ELOVL2: variants seen among roughly 807,000 people sequenced by gnomAD.
ELOVL2 encodes the protein ELOVL fatty acid elongase 2.
A neutral mutation model predicts 37.7 loss-of-function variants in ELOVL2; 38 were observed. The ratio of observed to expected loss-of-function variants is 1.01; its 90% CI spans 0.78 to 1.32. The LOEUF is 1.32. Among genes scored for constraint, ELOVL2 ranks in the 40% most tolerant of loss-of-function variants. The pLI is 0.00. For missense variants in ELOVL2, 352 were observed against 363.6 expected, an observed-to-expected ratio of 0.97 and a Z score of 0.26; for synonymous variants, 115 against 122.3, an observed-to-expected ratio of 0.94 and a Z score of 0.40.
intron 1 of ELOVL2, among the ~76,000 whole-genome samples, chr6:11,030,648 C>A (rs888527890): frequency 6.6e-6 from 1 of 151,918 alleles, no homozygotes; most frequent in Non-Finnish European, 1.5e-5. Context: ...CCCGCCACCA[C>A]GCCCGGCTAA....
intron 1 of ELOVL2, among the ~76,000 whole-genome samples, chr6:11,034,958 ACAC>A (rs1782985042): frequency 1.3e-5 from 2 of 151,870 alleles, no homozygotes; most frequent in South Asian, 4.2e-4. Flanking sequence ...AGCCGAAATC[ACAC>A]CACTGCACTC....
intron 2 of ELOVL2, among the ~76,000 whole-genome samples, chr6:11,009,804 C>A (rs768272628): frequency 1.4e-4 from 21 of 152,082 alleles, no homozygotes; most frequent in Non-Finnish European, 2.9e-4. Flanking sequence ...TGGGATGACA[C>A]TGATGAGTTT....
At chr6:11,027,036 T>C (rs1782847473) in intron 1 of ELOVL2, among the ~76,000 whole-genome samples, 1 of 152,218 alleles carries the variant, frequency 6.6e-6, no homozygotes, top group Admixed American at 6.5e-5. Flanking sequence ...TTTTTCGATA[T>C]ATCTCTTGAA....
intron 7 of ELOVL2, among the ~76,000 whole-genome samples, chr6:10,986,756 T>G (rs995377307): frequency 6.6e-6 from 1 of 152,160 alleles, no homozygotes; most frequent in Non-Finnish European, 1.5e-5. Context: ...TTTGCCAGTA[T>G]TTTATTGAGG....
At chr6:10,992,849 T>TA (rs1395218582) in intron 5 of ELOVL2, among the ~76,000 whole-genome samples, 4 of 150,090 alleles carry the variant, frequency 2.7e-5, no homozygotes, top group African/African-American at 9.7e-5. Flanking sequence ...CAGTACATCA[T>TA]ATAGAGCCAG....
At chr6:11,015,049 T>C (rs904992472) in intron 1 of ELOVL2, among the ~76,000 whole-genome samples, 15 of 152,246 alleles carry the variant, frequency 9.9e-5, no homozygotes, top group Non-Finnish European at 2.1e-4. Flanking sequence ...GAATGAACAA[T>C]TGATGTACAC....
At chr6:10,993,812 C>T (rs1013447104) in intron 5 of ELOVL2, among the ~76,000 whole-genome samples, 11 of 151,550 alleles carry the variant, frequency 7.3e-5, no homozygotes, top group African/African-American at 1.9e-4. Context: ...CTCAGCCTCC[C>T]GAGGAGCTGG....
At position 10,981,898 on chromosome 6, in the gene ELOVL2, C is replaced by T. The variant is rs558603555; in HGVS notation, c.*1883G>A. On this transcript the variant is annotated 3_prime_UTR_variant, in exon 8 of 8. Transcript: ENST00000354666. ...TCTCCAAAGGGCTTTCTCCTTGGTC[C>T]AACTTGTGTTTTGTCACAGAGGAGC... 6.6e-6 allele frequency: 1 copy of T among 152,238 alleles called. No individual in the cohort carries two copies. The highest frequency in any genetic ancestry group is 1.9e-4 in the East Asian group (1 of 5,186). The allele number at this position is 152,238 out of a possible 1,614,324, so 9.4% of individuals were successfully genotyped here.
rs572472634 is a variant in ELOVL2 at position 11,005,082 on chromosome 6, C to T, written c.255+290G>A. Among the ~76,000 whole-genome samples the T allele has an allele frequency of 5.9e-4, 90 of 152,166 alleles. 2 individuals are homozygous for T. Among genetic ancestry groups the T allele is most frequent in the Non-Finnish European group, 1.9e-4 (13 of 68,014 alleles). ...GCTGAGGCACGAGAATCGCTTGAAC[C>T]TGGGAGGCGGAGGCTGCAGTGAGCT... On this transcript the variant is annotated intron_variant, in intron 3 of 7. Coordinates refer to ENST00000354666, the MANE Select transcript of ELOVL2 (RefSeq NM_017770.4).
intron 1 of ELOVL2, among the ~76,000 whole-genome samples, chr6:11,043,130 T>C (rs1561731968): frequency 6.6e-6 from 1 of 152,086 alleles, no homozygotes; most frequent in Non-Finnish European, 1.5e-5. Flanking sequence ...ATCAGGCAGA[T>C]GGTACGTGCC....
At chr6:11,038,373 C>T (rs181018861) in intron 1 of ELOVL2, among the ~76,000 whole-genome samples, 353 of 152,044 alleles carry the variant, frequency 2.3e-3, no homozygotes, top group African/African-American at 7.9e-3. Flanking sequence ...CCCAGCTACT[C>T]GGGAGGCTGA....
intron 2 of ELOVL2, among the ~76,000 whole-genome samples, chr6:11,007,736 T>G (rs1306189909): frequency 2.6e-5 from 4 of 152,188 alleles, no homozygotes; most frequent in African/African-American, 9.7e-5. Flanking sequence ...TAGTACATGC[T>G]CCAGGAGACA....
At chr6:10,995,535 G>C (rs1782252142) in intron 4 of ELOVL2, among the ~76,000 whole-genome samples, 1 of 152,116 alleles carries the variant, frequency 6.6e-6, no homozygotes, top group Admixed American at 6.5e-5. Flanking sequence ...CTGTGTGCTG[G>C]AACAGTGGCC....
chr6:11,002,265 CT>C (rs1782401449), intron 3 of ELOVL2, among the ~76,000 whole-genome samples: 2 of 152,238 alleles, frequency 1.3e-5, no homozygotes, highest in Non-Finnish European at 2.9e-5. Context: ...GCCTCTCACT[CT>C]TTCTTACAGG....
intron 5 of ELOVL2, among the ~76,000 whole-genome samples, chr6:10,992,923 T>C (rs1188677843): frequency 6.6e-6 from 1 of 152,206 alleles, no homozygotes; most frequent in Non-Finnish European, 1.5e-5. Context: ...CCAGGCATAG[T>C]AGCTCACACC....
chr6:11,003,290 G>C (rs1180461755), intron 3 of ELOVL2, among the ~76,000 whole-genome samples: 1 of 152,162 alleles, frequency 6.6e-6, no homozygotes, highest in Non-Finnish European at 1.5e-5. Flanking sequence ...TTGTCCCAGT[G>C]CTCTCCCTAC....
intron 5 of ELOVL2, among the ~76,000 whole-genome samples, chr6:10,993,643 A>G (rs1782205529): frequency 6.6e-6 from 1 of 152,132 alleles, no homozygotes. Context: ...ATGTAAGAGT[A>G]TATTGCTTTG....
At position 11,044,291 on chromosome 6, in the gene ELOVL2, CG is replaced by C; in HGVS notation, c.-62del. The C allele has an allele frequency of 8.0e-7, 1 of 1,248,286 alleles. No homozygotes were observed. Among genetic ancestry groups the C allele is most frequent in the Non-Finnish European group, 1.0e-6 (1 of 994,998 alleles). The allele number at this position is 1,248,286 out of a possible 1,614,324, so 77.3% of individuals were successfully genotyped here. A position where few individuals can be genotyped will look rare whatever the true frequency, so the allele number is the denominator to read the frequency against. ...GCGGCGATGCGCTGTCCAGGGTAGC[CG>C]GGTCCCTCTGCCCGGCGCTATCTCG... On this transcript the variant is annotated 5_prime_UTR_variant, in exon 1 of 8. Transcript: ENST00000354666. This position sits in a 1 kb window ranked among gnomAD's most constrained non-coding sequence, Gnocchi z 5.6.
chr6:10,987,690 T>G (rs1040915743), intron 7 of ELOVL2, among the ~76,000 whole-genome samples: 1 of 152,180 alleles, frequency 6.6e-6, no homozygotes, highest in Non-Finnish European at 1.5e-5. Context: ...CTATTAGAGG[T>G]CACGATTTGT....
Sources: gnomAD v4.1 joint callset for allele counts (sites outside exome capture counted in the v4.1 genomes callset) on GRCh38, gnomAD v4.1.1 for gene constraint, Gnocchi (gnomAD v3.1) non-coding constraint, MANE v1.5 for transcripts, NCBI Gene and HGNC (gene_info 2026-07-23, HGNC 2026-07-21) for gene names.